Variants in MYO6 observed in about 807,000 individuals in gnomAD.
The protein encoded by MYO6 is myosin VI, also known as unconventional myosin-VI.
Under a neutral mutation model 178.7 loss-of-function variants are expected in MYO6, and 74 were observed. The observed-to-expected ratio is 0.41, with a 90% CI of 0.34 to 0.50. MYO6 has a LOEUF of 0.50. Ranked by LOEUF, MYO6 falls within the 20% of genes least tolerant of loss-of-function variation. The pLI, the probability that MYO6 is intolerant of heterozygous loss-of-function variation, is 0.09. For synonymous variants in MYO6, 477 were observed against 504.6 expected (o/e 0.95, Z 0.73); for missense variants, 1,330 against 1,547.4 (o/e 0.86, Z 2.36).
Position 75,917,849 on chromosome 6 carries a change from A to G in MYO6, c.*2837A>G, listed in dbSNP as rs151284656. On this transcript the variant is annotated 3_prime_UTR_variant, in exon 35 of 35. Coordinates refer to ENST00000369977, the MANE Select transcript of MYO6 (RefSeq NM_004999.4). Reference sequence around the variant, plus strand: ...ACATTTTCATTCACAGGTCATTACTATGGTTCTCAGCGATCCAAATATGTA... The same window carrying G: ...ACATTTTCATTCACAGGTCATTACTGTGGTTCTCAGCGATCCAAATATGTA... The G allele has an allele frequency of 8.6e-5, 13 of 150,956 alleles. No individual in the cohort carries two copies. The highest frequency in any genetic ancestry group is 1.9e-4 in the African/African-American group (8 of 41,146). The allele number at this position is 150,956 out of a possible 1,614,324, so 9.4% of individuals were successfully genotyped here. A position where few individuals can be genotyped will look rare whatever the true frequency, so the allele number is the denominator to read the frequency against.
At chr6:75,798,713 C>T (rs796234983) in intron 1 of MYO6, among the ~76,000 whole-genome samples, 1 of 152,012 alleles carries the variant, frequency 6.6e-6, no homozygotes, top group African/African-American at 2.4e-5. Context: ...AGGAGCAAGA[C>T]AAGAATGCTT....
intron 1 of MYO6, among the ~76,000 whole-genome samples, chr6:75,814,820 C>G (rs1481686682): frequency 6.6e-6 from 1 of 151,370 alleles, no homozygotes; most frequent in Admixed American, 6.6e-5. Flanking sequence ...GATTGCATCA[C>G]TGTGCCACTG....
intron 1 of MYO6, among the ~76,000 whole-genome samples, chr6:75,811,601 T>G (rs773750895): frequency 2.0e-5 from 3 of 152,230 alleles, no homozygotes; most frequent in Non-Finnish European, 4.4e-5. Context: ...TTTTGGACTT[T>G]GGGAGTTTTG....
chr6:75,804,485 A>G (rs894686377), intron 1 of MYO6, among the ~76,000 whole-genome samples: 3 of 152,118 alleles, frequency 2.0e-5, no homozygotes, highest in African/African-American at 2.4e-5. Context: ...GGCAAACTTG[A>G]TAGATCTACC....
intron 20 of MYO6, 78 bp from the exon 21 acceptor site, chr6:75,879,742 A>G: frequency 1.2e-6 from 2 of 1,604,822 alleles, no homozygotes; most frequent in Non-Finnish European, 1.7e-6. Context: ...ACAGTATCTT[A>G]CAAAAATGAT....
chr6:75,796,979 G>C (rs2150105208), intron 1 of MYO6, among the ~76,000 whole-genome samples: 1 of 152,184 alleles, frequency 6.6e-6, no homozygotes, highest in South Asian at 2.1e-4. Flanking sequence ...TCTTTATCCA[G>C]TCCATTGTTT....
Position 75,857,245 on chromosome 6 carries a change from G to A in MYO6, c.1372G>A (p.Ala458Thr). The change falls in exon 13 of 35, where the codon GCT becomes ACT. Residue 458 changes from alanine (A) to threonine (T), a missense_variant. Physicochemically the swap from Ala to Thr is moderately conservative, Grantham distance 58. This residue lies in a region of MYO6 where 613 missense variants were observed against 816.8 expected (regional missense o/e 0.75). Coordinates refer to ENST00000369977, the MANE Select transcript of MYO6 (RefSeq NM_004999.4). ...CTATTTTATTGGAGTCCTAGATATT[G>A]CTGGTTTTGGTAAGTAGAGTTTCTT... Reference protein sequence around the residue: ...SSYFIGVLDIAGFEYFEHNSF... With the variant: ...SSYFIGVLDITGFEYFEHNSF... The A allele has an allele frequency of 6.2e-7, 1 of 1,613,584 alleles. No individual in the cohort carries two copies. The highest frequency in any genetic ancestry group is 8.5e-7 in the Non-Finnish European group (1 of 1,179,624).
chr6:75,761,163 C>G (rs900539034), intron 1 of MYO6, among the ~76,000 whole-genome samples: 1 of 152,130 alleles, frequency 6.6e-6, no homozygotes, highest in Non-Finnish European at 1.5e-5. Flanking sequence ...ACTTATTATT[C>G]TTGTGTTTGA....
At chr6:75,807,433 CTCTT>C (rs1174611794) in intron 1 of MYO6, among the ~76,000 whole-genome samples, 2 of 152,112 alleles carry the variant, frequency 1.3e-5, no homozygotes, top group East Asian at 1.9e-4. Flanking sequence ...TTCTTCCTCT[CTCTT>C]TGGGGAGTGG....
chr6:75,837,417 G>A (rs1327207850), intron 7 of MYO6, among the ~76,000 whole-genome samples: 2 of 152,070 alleles, frequency 1.3e-5, no homozygotes, highest in Non-Finnish European at 2.9e-5. Context: ...TTAAATTAGA[G>A]ACAGCATCTC....
Position 75,915,125 on chromosome 6 carries a change from A to G in MYO6, c.*113A>G. 9.4e-7 allele frequency: 1 copy of G among 1,066,584 alleles called. No individual in the cohort carries two copies. The highest frequency in any genetic ancestry group is 1.4e-6 in the Non-Finnish European group (1 of 720,378). The allele number at this position is 1,066,584 out of a possible 1,614,324, so 66.1% of individuals were successfully genotyped here. A position where few individuals can be genotyped will look rare whatever the true frequency, so the allele number is the denominator to read the frequency against. ...TGTTAGAGTTACTTCTATAAAGTGA[A>G]CAGATTTTATTAATCACGGCTTTTG... On this transcript the variant is annotated 3_prime_UTR_variant, in exon 35 of 35. Coordinates refer to ENST00000369977, the MANE Select transcript of MYO6 (RefSeq NM_004999.4).
At chr6:75,894,080 C>G (rs1385105508) in intron 28 of MYO6, among the ~76,000 whole-genome samples, 1 of 152,136 alleles carries the variant, frequency 6.6e-6, no homozygotes, top group South Asian at 2.1e-4. Flanking sequence ...TGGCAGAAGT[C>G]AATTTCTAAG....
At chr6:75,866,469 A>G (rs920965550) in intron 16 of MYO6, 57 bp from the exon 17 acceptor site, 14 of 1,356,910 alleles carry the variant, frequency 1.0e-5, no homozygotes, top group Non-Finnish European at 1.5e-5. Flanking sequence ...TTTGTAAAGA[A>G]TGATTATGTA....
chr6:75,819,093 A>G (rs1364008935), intron 2 of MYO6, among the ~76,000 whole-genome samples: 1 of 152,220 alleles, frequency 6.6e-6, no homozygotes, highest in Non-Finnish European at 1.5e-5. Context: ...TTCATATTTT[A>G]AATATTTTAA....
intron 3 of MYO6, among the ~76,000 whole-genome samples, chr6:75,823,420 G>A (rs1772112616): frequency 1.3e-5 from 2 of 152,222 alleles, no homozygotes; most frequent in East Asian, 1.9e-4. Flanking sequence ...AGATTAAGCA[G>A]TAATCATTTC....
At chr6:75,821,639 A>AC (rs879276490) in intron 2 of MYO6, among the ~76,000 whole-genome samples, 9 of 151,786 alleles carry the variant, frequency 5.9e-5, no homozygotes, top group East Asian at 3.9e-4. Flanking sequence ...ACACACACAC[A>AC]AACACACACA....
At chr6:75,755,524 T>C (rs1376334959) in intron 1 of MYO6, among the ~76,000 whole-genome samples, 1 of 152,240 alleles carries the variant, frequency 6.6e-6, no homozygotes, top group Non-Finnish European at 1.5e-5. Flanking sequence ...AATAGATTGC[T>C]AGACTGAAAT....
In MYO6 at chr6:75,865,398, C is replaced by G. The variant is rs1306260262; in HGVS notation, c.1675-1128C>G. 2.6e-5 allele frequency: 3 copies of G among 116,082 alleles called. 1 individual carries two copies. Among genetic ancestry groups the G allele is most frequent in the African/African-American group, 6.6e-5 (2 of 30,462 alleles). 7.2% of individuals were successfully genotyped at this position (116,082 alleles called of 1,614,324 possible). On this transcript the variant is annotated intron_variant, in intron 16 of 34. Transcript: ENST00000369977. ...TTTTTTTTTGAGACAGGGTCTGGCT[C>G]TGTTGCCCTGGTTGGAGTGCAGTGG... is the stretch of plus-strand genomic sequence containing the variant.
At chr6:75,763,758 TCA>T (rs1166587388) in intron 1 of MYO6, among the ~76,000 whole-genome samples, 1 of 152,184 alleles carries the variant, frequency 6.6e-6, no homozygotes, top group Non-Finnish European at 1.5e-5. Flanking sequence ...AGTGCCAAAA[TCA>T]GTATTTTATG....
Sources: allele counts gnomAD v4.1 joint callset (sites outside exome capture counted in the v4.1 genomes callset), GRCh38; gene constraint gnomAD v4.1.1; regional missense constraint gnomAD v4.1.1; transcripts MANE v1.5; gene names NCBI Gene and HGNC (gene_info 2026-07-23, HGNC 2026-07-21).